The following VTA1 variants were observed in gnomAD, a reference collection of about 807,000 sequenced individuals.
VTA1 encodes vesicle trafficking 1.
Under a neutral mutation model 36.9 loss-of-function variants are expected in VTA1, and 24 were observed. The observed-to-expected ratio is 0.65, with a 90% CI of 0.47 to 0.91. The LOEUF is 0.91. Ranked by LOEUF, VTA1 falls within the 40% of genes least tolerant of loss-of-function variation. The pLI, the probability that VTA1 is intolerant of heterozygous loss-of-function variation, is 0.00. For synonymous variants in VTA1, 142 were observed against 130.2 expected, an observed-to-expected ratio of 1.09 and a Z score of -0.62; for missense variants, 393 against 377.2, an observed-to-expected ratio of 1.04 and a Z score of -0.35.
rs58927429 is a variant in VTA1, at chr6:142,206,330, A to G, written c.778+2265A>G. ...TTGTGTTTGTATTTACATAAATACA[A>G]TAATCAAAAACAAAATACCATTTAC... is the stretch of plus-strand genomic sequence containing the variant. On this transcript the variant is annotated intron_variant, in intron 7 of 7. Coordinates refer to ENST00000367630, the MANE Select transcript of VTA1 (RefSeq NM_016485.5). Among the ~76,000 whole-genome samples, 1,304 of 152,334 alleles carry G rather than the reference A, an allele frequency of 8.6e-3. 19 individuals carry two copies. The highest frequency in any genetic ancestry group is 0.029 in the African/African-American group (1,224 of 41,574).
At chr6:142,152,786 T>C (rs1267206390) in intron 1 of VTA1, among the ~76,000 whole-genome samples, 1 of 152,138 alleles carries the variant, frequency 6.6e-6, no homozygotes, top group African/African-American at 2.4e-5. Context: ...ATTTCTATAA[T>C]CTTAGAGCAT....
intron 7 of VTA1, among the ~76,000 whole-genome samples, chr6:142,218,055 GCT>G (rs1458206547): frequency 6.6e-6 from 1 of 152,034 alleles, no homozygotes; most frequent in African/African-American, 2.4e-5. Context: ...ATACTCTCAT[GCT>G]TAAAACAAGC....
In VTA1 at chr6:142,221,176, A is replaced by G. The variant is rs1776103152; in HGVS notation, c.*2533A>G. ...AAGGTGTCTCTGGACGACCGGCATC[A>G]GCATCACCTGCGAACTTGCTAGAAA... On this transcript the variant is annotated 3_prime_UTR_variant, in exon 8 of 8. Coordinates refer to ENST00000367630, the MANE Select transcript of VTA1 (RefSeq NM_016485.5). 6.6e-6 allele frequency: 1 copy of G among 152,248 alleles called. No individual in the cohort carries two copies. Among genetic ancestry groups the G allele is most frequent in the Non-Finnish European group, 1.5e-5 (1 of 68,044 alleles). The allele number at this position is 152,248 out of a possible 1,614,324, so 9.4% of individuals were successfully genotyped here.
chr6:142,161,465 T>C (rs1774807514), intron 1 of VTA1, among the ~76,000 whole-genome samples: 1 of 152,196 alleles, frequency 6.6e-6, no homozygotes, highest in African/African-American at 2.4e-5. Context: ...TAAGGAACTT[T>C]GGATTACATA....
At chr6:142,211,452 C>T (rs1051923250) in intron 7 of VTA1, among the ~76,000 whole-genome samples, 32 of 152,202 alleles carry the variant, frequency 2.1e-4, no homozygotes, top group African/African-American at 7.5e-4. Flanking sequence ...AAATTTTCTG[C>T]CCTTCTAAAG....
chr6:142,202,743 T>C (rs1007167276), intron 6 of VTA1, among the ~76,000 whole-genome samples: 1 of 151,940 alleles, frequency 6.6e-6, no homozygotes, highest in Non-Finnish European at 1.5e-5. Context: ...AAAGGTGTCA[T>C]AGAAACTGGT....
intron 1 of VTA1, among the ~76,000 whole-genome samples, chr6:142,166,018 C>A (rs1299296823): frequency 1.3e-5 from 2 of 150,060 alleles, no homozygotes; most frequent in Non-Finnish European, 3.0e-5. Flanking sequence ...AAAGAGAAGG[C>A]CTTATTTGAT....
intron 4 of VTA1, among the ~76,000 whole-genome samples, chr6:142,186,880 G>GT (rs2114662217): frequency 6.6e-6 from 1 of 152,210 alleles, no homozygotes; most frequent in Non-Finnish European, 1.5e-5. Flanking sequence ...GGTAGGTGGT[G>GT]TAATGGCTTA....
At chr6:142,204,497 G>A (rs1041561354) in intron 7 of VTA1, among the ~76,000 whole-genome samples, 4 of 152,228 alleles carry the variant, frequency 2.6e-5, no homozygotes, top group Non-Finnish European at 5.9e-5. Context: ...GGTTACTTTG[G>A]TTGGTTGGTT....
intron 4 of VTA1, among the ~76,000 whole-genome samples, chr6:142,172,007 G>A (rs1775036829): frequency 6.6e-6 from 1 of 152,150 alleles, no homozygotes; most frequent in Non-Finnish European, 1.5e-5. Context: ...TGTGACAAAT[G>A]AAGGACTTTT....
intron 1 of VTA1, among the ~76,000 whole-genome samples, chr6:142,158,852 A>G (rs1185482209): frequency 1.3e-5 from 2 of 152,066 alleles, no homozygotes; most frequent in African/African-American, 2.4e-5. Flanking sequence ...GTCTCATAAT[A>G]TACCACCTAA....
intron 7 of VTA1, among the ~76,000 whole-genome samples, chr6:142,217,842 A>C (rs1776030328): frequency 6.6e-6 from 1 of 151,562 alleles, no homozygotes; most frequent in African/African-American, 2.4e-5. Context: ...ATTAAATGAA[A>C]TGTTTTTAAT....
chr6:142,216,046 C>T (rs949530234), intron 7 of VTA1, among the ~76,000 whole-genome samples: 1 of 151,942 alleles, frequency 6.6e-6, no homozygotes, highest in African/African-American at 2.4e-5. Context: ...TTAGACAACC[C>T]CTCTAATCTT....
At chr6:142,181,092 A>ATATATAT (rs1201647610) in intron 4 of VTA1, among the ~76,000 whole-genome samples, 28 of 41,904 alleles carry the variant, frequency 6.7e-4, no homozygotes, top group South Asian at 5.2e-3. Context: ...AAAAAAAAAA[A>ATATATAT]AAATATATAT....
At position 142,156,491 on chromosome 6, in the gene VTA1, A is replaced by G. The variant is rs73581617; in HGVS notation, c.112+9092A>G. ...CCGGAAAATATTTGAATCTTTACTA[A>G]AAGTGGGCACTGTTAGATAAATATT... On this transcript the variant is annotated intron_variant, in intron 1 of 7. Coordinates refer to ENST00000367630, the MANE Select transcript of VTA1 (RefSeq NM_016485.5). 3.6e-3 allele frequency among the ~76,000 whole-genome samples: 541 copies of G among 152,284 alleles called. 3 individuals are homozygous for G. The highest frequency in any genetic ancestry group is 0.011 in the African/African-American group (465 of 41,560).
At chr6:142,175,687 T>C (rs1412359765) in intron 4 of VTA1, among the ~76,000 whole-genome samples, 1 of 152,062 alleles carries the variant, frequency 6.6e-6, no homozygotes, top group Admixed American at 6.6e-5. Context: ...CTTACACTTG[T>C]TTATATATAA....
chr6:142,188,721 C>T lies in VTA1; in HGVS notation c.412-705C>T, dbSNP rs1002930199. Among the ~76,000 whole-genome samples the T allele has an allele frequency of 2.8e-5, 4 of 145,092 alleles. No homozygotes were observed. The Admixed American group carries it at 2.8e-4, about 10-fold the overall frequency. ...AAATATAAACTAAAAATCACTAGCA[C>T]ATCCAAAATTCTAAGAGATTTTTAT... is the stretch of plus-strand genomic sequence containing the variant. On this transcript the variant is annotated intron_variant, in intron 4 of 7. Coordinates refer to ENST00000367630, the MANE Select transcript of VTA1 (RefSeq NM_016485.5).
intron 7 of VTA1, among the ~76,000 whole-genome samples, chr6:142,205,609 T>C (rs1441589372): frequency 6.6e-6 from 1 of 152,124 alleles, no homozygotes; most frequent in Non-Finnish European, 1.5e-5. Context: ...ATATACTTCT[T>C]TAGATACTCC....
chr6:142,164,522 A>C (rs1774876793), intron 1 of VTA1, among the ~76,000 whole-genome samples: 1 of 152,226 alleles, frequency 6.6e-6, no homozygotes. Flanking sequence ...TCCTCTGGAC[A>C]AAACCATTAA....
Sources: gnomAD v4.1 joint callset for allele counts (sites outside exome capture counted in the v4.1 genomes callset) on GRCh38, gnomAD v4.1.1 for gene constraint, MANE v1.5 for transcripts, NCBI Gene and HGNC (gene_info 2026-07-23, HGNC 2026-07-21) for gene names.